The following KDM4C variants were observed in gnomAD, a reference collection of about 807,000 sequenced individuals.
KDM4C encodes the protein lysine-specific demethylase 4C.
In KDM4C, 81 loss-of-function variants were observed where a neutral mutation model predicts 129.3. The observed-to-expected ratio is 0.63, with a 90% CI of 0.52 to 0.75. The LOEUF is 0.75. Ranked by LOEUF, KDM4C falls within the 30% of genes least tolerant of loss-of-function variation. The pLI, the probability that KDM4C is intolerant of heterozygous loss-of-function variation, is 0.00. For missense variants in KDM4C, 1,457 were observed against 1,304.0 expected (o/e 1.12, Z -1.81); for synonymous variants, 573 against 456.1 (o/e 1.26, Z -3.26).
At chr9:7,159,463 C>T (rs1328677601) in intron 19 of KDM4C, among the ~76,000 whole-genome samples, 1 of 152,186 alleles carries the variant, frequency 6.6e-6, no homozygotes, top group Non-Finnish European at 1.5e-5. Flanking sequence ...TTTGCAGTGG[C>T]TGCTACCGGT....
rs557306857 is a variant in KDM4C at position 6,739,197 on chromosome 9, C to T, written c.49+18200C>T. ...AAGCGATTCTTGTGCCTCAGCTTCC[C>T]GAGTAGCTGGGATTACAGGCGCCCA... On this transcript the variant is annotated intron_variant, in intron 1 of 17. Transcript: ENST00000536108. Among the ~76,000 whole-genome samples the T allele has an allele frequency of 9.5e-3, 1,444 of 152,066 alleles. 20 individuals are homozygous for T. The highest frequency in any genetic ancestry group is 0.033 in the African/African-American group (1,372 of 41,478).
intron 8 of KDM4C, among the ~76,000 whole-genome samples, chr9:6,974,539 G>A (rs1412841761): frequency 6.6e-6 from 1 of 152,142 alleles, no homozygotes; most frequent in African/African-American, 2.4e-5. Context: ...TGTATTTTTA[G>A]TAGAGACGGA....
chr9:7,167,676 A>G (rs1291963660), intron 20 of KDM4C, among the ~76,000 whole-genome samples: 2 of 152,176 alleles, frequency 1.3e-5, no homozygotes, highest in African/African-American at 2.4e-5. Context: ...TAATACGTTC[A>G]ATTGTATGTT....
In KDM4C at chr9:6,887,418, TGGGTGATGGCTGGG is replaced by T. The variant is rs1178521656; in HGVS notation, c.680-541_680-528del. On this transcript the variant is annotated intron_variant, in intron 6 of 21. Coordinates refer to ENST00000381309, the MANE Select transcript of KDM4C (RefSeq NM_015061.6). The stretch of plus-strand genomic sequence containing the variant: ...TTCAGGCAGGTTCTCAGACAGTTGA[TGGGTGATGGCTGGG>T]AAGTTCATTCAGGAGATTAGTAGCA... Among the ~76,000 whole-genome samples the T allele has an allele frequency of 3.3e-5, 5 of 152,358 alleles. No individual in the cohort carries two copies. In the South Asian group the frequency reaches 1.0e-3, roughly 32 times the overall value.
At chr9:7,001,593 G>A (rs1205447927) in intron 12 of KDM4C, among the ~76,000 whole-genome samples, 1 of 152,284 alleles carries the variant, frequency 6.6e-6, no homozygotes, top group African/African-American at 2.4e-5. Flanking sequence ...TTCCTTAGTT[G>A]GTGTGATGGC....
chr9:6,918,315 C>G (rs916670379), intron 8 of KDM4C, among the ~76,000 whole-genome samples: 20 of 152,170 alleles, frequency 1.3e-4, no homozygotes, highest in African/African-American at 4.6e-4. Flanking sequence ...GGATAACGGC[C>G]TCCACCTGCA....
intron 1 of KDM4C, among the ~76,000 whole-genome samples, chr9:6,744,044 G>A (rs1400537004): frequency 8.1e-6 from 1 of 122,802 alleles, no homozygotes; most frequent in South Asian, 2.8e-4. Flanking sequence ...CACCATATCC[G>A]GCCCCTCTCC....
intron 5 of KDM4C, among the ~76,000 whole-genome samples, chr9:6,854,279 A>T (rs762957679): frequency 1.1e-4 from 17 of 152,174 alleles, no homozygotes; most frequent in Non-Finnish European, 4.4e-5. Context: ...CTGTAATCCC[A>T]GCACTTTGGG....
intron 15 of KDM4C, among the ~76,000 whole-genome samples, chr9:7,018,403 G>A (rs1824066266): frequency 1.3e-5 from 2 of 152,136 alleles, no homozygotes; most frequent in Non-Finnish European, 2.9e-5. Flanking sequence ...TAAATGTAAA[G>A]CATATTTAAC....
chr9:6,852,289 G>A (rs1036889871), intron 5 of KDM4C, among the ~76,000 whole-genome samples: 4 of 152,164 alleles, frequency 2.6e-5, no homozygotes, highest in Non-Finnish European at 5.9e-5. Context: ...GGAGGCAGGC[G>A]GTTTGGCAGA....
chr9:7,006,207 G>A (rs772537133), intron 12 of KDM4C, among the ~76,000 whole-genome samples: 2 of 152,166 alleles, frequency 1.3e-5, no homozygotes, highest in Non-Finnish European at 2.9e-5. Flanking sequence ...TTCTCTGAAT[G>A]TCTTAAGATA....
chr9:6,948,737 C>T (rs1481510253), intron 8 of KDM4C, among the ~76,000 whole-genome samples: 4 of 151,974 alleles, frequency 2.6e-5, no homozygotes, highest in Admixed American at 1.3e-4. Context: ...ACATCTTGCA[C>T]CGCCCTTAAT....
intron 12 of KDM4C, among the ~76,000 whole-genome samples, chr9:7,010,431 A>G (rs1822480613): frequency 6.6e-6 from 1 of 152,252 alleles, no homozygotes; most frequent in Non-Finnish European, 1.5e-5. Context: ...TTTTGCCATC[A>G]GTGCAAATCT....
intron 8 of KDM4C, among the ~76,000 whole-genome samples, chr9:6,965,352 TAG>T (rs1830771894): frequency 6.6e-6 from 1 of 151,828 alleles, no homozygotes; most frequent in Non-Finnish European, 1.5e-5. Context: ...AATTTATATA[TAG>T]AGAGATATAT....
Position 6,965,976 on chromosome 9 carries a change from C to G in KDM4C, c.922-14949C>G, listed in dbSNP as rs557829845. On this transcript the variant is annotated intron_variant, in intron 8 of 21. Transcript: ENST00000381309. ...TTTAAAAGTCTATCAGTTTCATACACCATGTTAACAGAATAAAGGATAAAA... is the reference window on the plus strand; with the variant it reads ...TTTAAAAGTCTATCAGTTTCATACAGCATGTTAACAGAATAAAGGATAAAA... 9.9e-5 allele frequency among the ~76,000 whole-genome samples: 15 copies of G among 152,268 alleles called. No homozygotes were observed. The South Asian group carries it at 3.1e-3, about 32-fold the overall frequency.
At chr9:6,849,995 C>T (rs772064776) in intron 5 of KDM4C, among the ~76,000 whole-genome samples, 7 of 152,088 alleles carry the variant, frequency 4.6e-5, no homozygotes, top group Non-Finnish European at 8.8e-5. Flanking sequence ...ATTCTTTTTC[C>T]ATGTTTAGAT....
At chr9:6,777,929 T>C (rs1823434740) in intron 1 of KDM4C, among the ~76,000 whole-genome samples, 1 of 151,064 alleles carries the variant, frequency 6.6e-6, no homozygotes, top group Admixed American at 6.6e-5. Flanking sequence ...TTTTTTTTTT[T>C]TTCTCCCCAT....
chr9:7,119,232 A>C (rs561510284), intron 18 of KDM4C, among the ~76,000 whole-genome samples: 39 of 152,300 alleles, frequency 2.6e-4, no homozygotes, highest in Middle Eastern at 3.4e-3. Flanking sequence ...CCATTATATA[A>C]ATAGCATTGT....
chr9:6,916,081 A>G (rs971630780), intron 8 of KDM4C, among the ~76,000 whole-genome samples: 2 of 152,184 alleles, frequency 1.3e-5, no homozygotes, highest in African/African-American at 2.4e-5. Context: ...TTGGAAGTAT[A>G]TATTTGGAAG....
Sources: gnomAD v4.1 joint callset for allele counts (sites outside exome capture counted in the v4.1 genomes callset) on GRCh38, gnomAD v4.1.1 for gene constraint, MANE v1.5 for transcripts, NCBI Gene and HGNC (gene_info 2026-07-23, HGNC 2026-07-21) for gene names.